NFIB: variants seen among roughly 807,000 people sequenced by gnomAD.
NFIB encodes nuclear factor I B, also known as nuclear factor 1 B-type.
Under a neutral mutation model 61.5 loss-of-function variants are expected in NFIB, and 11 were observed. The observed-to-expected ratio is 0.18, with a 90% CI of 0.11 to 0.30. The LOEUF is 0.30. Among genes scored for constraint, NFIB ranks in the 10% least tolerant of loss-of-function variants. The pLI, the probability that NFIB is intolerant of heterozygous loss-of-function variation, is 1.00. For missense variants in NFIB, 471 were observed against 608.9 expected, an observed-to-expected ratio of 0.77 and a Z score of 2.38; for synonymous variants, 260 against 216.5, an observed-to-expected ratio of 1.20 and a Z score of -1.76.
At chr9:14,093,971 T>G (rs1046575133) in intron 10 of NFIB, among the ~76,000 whole-genome samples, 2 of 152,124 alleles carry the variant, frequency 1.3e-5, no homozygotes, top group African/African-American at 4.8e-5. Context: ...GGTACTGTTC[T>G]ACATGCTTGA....
At chr9:14,286,125 G>A (rs1441730267) in intron 2 of NFIB, among the ~76,000 whole-genome samples, 1 of 152,152 alleles carries the variant, frequency 6.6e-6, no homozygotes, top group Non-Finnish European at 1.5e-5. Context: ...GACATCTGAG[G>A]AATTGGAGAA....
chr9:14,329,386 C>G (rs950845662), intron 1 of NFIB, among the ~76,000 whole-genome samples: 2 of 152,114 alleles, frequency 1.3e-5, no homozygotes, highest in Non-Finnish European at 2.9e-5. Context: ...ACTGAAATGT[C>G]CCAGGATAGC....
the NFIB span, among the ~76,000 whole-genome samples, chr9:14,408,746 G>C: frequency 6.6e-6 from 1 of 152,202 alleles, no homozygotes; most frequent in Non-Finnish European, 1.5e-5. Flanking sequence ...GAGGGGAAAA[G>C]TGGTTCTTAG....
At chr9:14,219,226 C>T (rs9298696) in intron 2 of NFIB, among the ~76,000 whole-genome samples, 144,166 of 152,120 alleles carry the variant, frequency 0.95, 68,835 homozygotes, top group Middle Eastern at 0.99. Flanking sequence ...TTTGATTCTA[C>T]GTATTTAAAA....
chr9:14,475,757 T>C, the NFIB span, among the ~76,000 whole-genome samples: 1 of 152,144 alleles, frequency 6.6e-6, no homozygotes, highest in African/African-American at 2.4e-5. Flanking sequence ...TCCAAAGACC[T>C]CTTCTCATTC....
chr9:14,120,156 G>C lies in NFIB; in HGVS notation c.1245+284C>G, dbSNP rs975636508. Among the ~76,000 whole-genome samples, 2 of 152,100 alleles carry C rather than the reference G, an allele frequency of 1.3e-5. No individual in the cohort carries two copies. The highest frequency in any genetic ancestry group is 2.4e-5 in the African/African-American group (1 of 41,432). On this transcript the variant is annotated intron_variant, in intron 8 of 10. Transcript: ENST00000380953. The surrounding 1 kb of genome is among the most constrained non-coding windows in gnomAD (Gnocchi z 4.4). The stretch of plus-strand genomic sequence containing the variant: ...TAAGAGGTGTGAACTCCAGCCCAGA[G>C]CTTTCCTGTCAATGTACTTTCTGCA...
chr9:14,503,244 A>G, the NFIB span, among the ~76,000 whole-genome samples: 12 of 152,030 alleles, frequency 7.9e-5, no homozygotes, highest in African/African-American at 2.9e-4. Context: ...TTGTGCTGCT[A>G]TAAACATGTG....
At chr9:14,119,780 A>G (rs567687358) in intron 8 of NFIB, among the ~76,000 whole-genome samples, 1 of 152,306 alleles carries the variant, frequency 6.6e-6, no homozygotes, top group African/African-American at 2.4e-5. Context: ...CATATACCAA[A>G]TTCCTATGAA....
chr9:14,510,080 G>A, the NFIB span, among the ~76,000 whole-genome samples: 3 of 152,134 alleles, frequency 2.0e-5, no homozygotes. Context: ...ATTGTTAGTA[G>A]AGACAGGATT....
At chr9:14,115,084 G>T (rs995656230) in intron 9 of NFIB, among the ~76,000 whole-genome samples, 2 of 152,064 alleles carry the variant, frequency 1.3e-5, no homozygotes, top group African/African-American at 4.8e-5. Flanking sequence ...AATTGACGGG[G>T]CTCATGAATT....
At chr9:14,500,585 AACTG>A in the NFIB span, among the ~76,000 whole-genome samples, 7 of 152,322 alleles carry the variant, frequency 4.6e-5, no homozygotes, top group South Asian at 1.0e-3. Context: ...TAATTATATT[AACTG>A]ACTGATTTAA....
intron 2 of NFIB, among the ~76,000 whole-genome samples, chr9:14,184,758 G>A (rs1294417490): frequency 1.3e-5 from 2 of 151,986 alleles, no homozygotes; most frequent in East Asian, 1.9e-4. Context: ...TTATGCTCAC[G>A]CCTGTAAATC....
At chr9:14,279,751 G>T (rs2058246831) in intron 2 of NFIB, among the ~76,000 whole-genome samples, 1 of 152,104 alleles carries the variant, frequency 6.6e-6, no homozygotes, top group Non-Finnish European at 1.5e-5. Context: ...TGAACTGGTT[G>T]AAGAGGCCAT....
At chr9:14,213,318 C>T (rs1000400081) in intron 2 of NFIB, among the ~76,000 whole-genome samples, 6 of 151,888 alleles carry the variant, frequency 4.0e-5, no homozygotes, top group Non-Finnish European at 7.3e-5. Context: ...GGAAAGTTAA[C>T]GCGGGCCCCC....
upstream of NFIB, chr9:14,314,276 C>G (rs945334577): frequency 5.8e-6 from 3 of 514,156 alleles, no homozygotes; most frequent in Admixed American, 6.4e-5. Flanking sequence ...GGCGCGTGGT[C>G]CCCGGCAGCA....
the NFIB span, among the ~76,000 whole-genome samples, chr9:14,404,432 A>G: frequency 3.3e-5 from 5 of 152,214 alleles, no homozygotes; most frequent in South Asian, 2.1e-4. Flanking sequence ...CCACATGCAT[A>G]TACATATACA....
At chr9:14,266,151 C>A (rs549684055) in intron 2 of NFIB, among the ~76,000 whole-genome samples, 1 of 152,172 alleles carries the variant, frequency 6.6e-6, no homozygotes, top group East Asian at 1.9e-4. Flanking sequence ...AGAAGCAATC[C>A]CTTCCTTGAC....
chr9:14,363,640 T>C (rs935168382), intron 1 of NFIB, among the ~76,000 whole-genome samples: 6 of 123,822 alleles, frequency 4.8e-5, no homozygotes, highest in African/African-American at 2.3e-4. Context: ...CATATACATA[T>C]ATATGTATAT....
chr9:14,374,072 G>A (rs1036090852), intron 1 of NFIB, among the ~76,000 whole-genome samples: 5 of 152,274 alleles, frequency 3.3e-5, no homozygotes, highest in African/African-American at 1.2e-4. Flanking sequence ...GTTCAACTTC[G>A]AATGTCAGGG....
Sources: gnomAD v4.1 joint callset for allele counts (sites outside exome capture counted in the v4.1 genomes callset) on GRCh38, gnomAD v4.1.1 for gene constraint, Gnocchi (gnomAD v3.1) non-coding constraint, MANE v1.5 for transcripts, NCBI Gene and HGNC (gene_info 2026-07-23, HGNC 2026-07-21) for gene names.